Variants in ANO2 observed in about 807,000 individuals in gnomAD.
ANO2 encodes anoctamin-2.
Under a neutral mutation model 124.2 loss-of-function variants are expected in ANO2, and 101 were observed. The observed-to-expected ratio is 0.81, with a 90% CI of 0.69 to 0.96. The LOEUF (loss-of-function observed/expected upper bound fraction) is 0.96. Ranked by LOEUF, ANO2 falls within the 40% of genes least tolerant of loss-of-function variation. ANO2 has a pLI of 0.00. For synonymous variants in ANO2, 486 were observed against 482.5 expected (o/e 1.01, Z -0.09); for missense variants, 1,293 against 1,274.5 (o/e 1.01, Z -0.22).
intron 14 of ANO2, among the ~76,000 whole-genome samples, chr12:5,713,506 A>C (rs940561447): frequency 9.2e-5 from 14 of 152,192 alleles, no homozygotes; most frequent in African/African-American, 3.4e-4. Context: ...GCAGGTGGCT[A>C]AGGGCAATGC....
chr12:5,663,973 A>T (rs987136555), intron 14 of ANO2, among the ~76,000 whole-genome samples: 6 of 152,338 alleles, frequency 3.9e-5, no homozygotes, highest in African/African-American at 1.4e-4. Flanking sequence ...ATGGGCTATG[A>T]AACAGTTACA....
intron 20 of ANO2, among the ~76,000 whole-genome samples, chr12:5,586,366 G>A (rs996751560): frequency 6.6e-6 from 1 of 152,198 alleles, no homozygotes; most frequent in Admixed American, 6.5e-5. Flanking sequence ...GGAGAAGATG[G>A]CAGGAGCCTC....
chr12:5,771,637 G>T (rs1565657026), intron 10 of ANO2, among the ~76,000 whole-genome samples: 1 of 152,034 alleles, frequency 6.6e-6, no homozygotes, highest in Non-Finnish European at 1.5e-5. Context: ...AAAATTAGCT[G>T]GGCATGGTGG....
chr12:5,892,545 A>G (rs1939486226), intron 3 of ANO2, among the ~76,000 whole-genome samples: 1 of 152,216 alleles, frequency 6.6e-6, no homozygotes, highest in Non-Finnish European at 1.5e-5. Flanking sequence ...GAGATAAACA[A>G]TGCATTACTT....
intron 19 of ANO2, 129 bp from the exon 20 acceptor site, chr12:5,599,758 T>G: frequency 1.9e-6 from 2 of 1,035,576 alleles, no homozygotes; most frequent in East Asian, 2.6e-5. Flanking sequence ...CAAGTAGAGA[T>G]AGAGAGACAC....
At chr12:5,756,376 C>T (rs1296402122) in intron 10 of ANO2, among the ~76,000 whole-genome samples, 1 of 152,022 alleles carries the variant, frequency 6.6e-6, no homozygotes, top group Non-Finnish European at 1.5e-5. Flanking sequence ...TTACTGGAGT[C>T]TTTTTCAGCT....
chr12:5,851,968 G>A (rs1192441544), intron 4 of ANO2: 5 of 738,870 alleles, frequency 6.8e-6, no homozygotes, highest in Non-Finnish European at 9.9e-6. Context: ...TCCTTTCCAA[G>A]GATCAGCAGC....
chr12:5,726,394 TC>T (rs1294735506), intron 14 of ANO2, among the ~76,000 whole-genome samples: 1 of 152,198 alleles, frequency 6.6e-6, no homozygotes, highest in Non-Finnish European at 1.5e-5. Context: ...AATACCACAG[TC>T]CTTTCTGCCT....
chr12:5,599,609 C>T lies in ANO2; in HGVS notation c.2108G>A (p.Arg703Gln), dbSNP rs199765638. ...AGCTTCGGTCTCATCTTTCAGCTTT[C>T]GAAATAGTTTCTTTAGCTTCCTGGA... ...IGVPKLKKLF[R>Q]KLKDETEAGE... The change falls in exon 20 of 25, where the codon CGA becomes CAA. Residue 703 changes from arginine to glutamine, a missense_variant. By Grantham distance (43) the Arg-to-Gln change is conservative. Coordinates refer to ENST00000682330, the MANE Select transcript of ANO2 (RefSeq NM_001364791.2). 2.5e-4 allele frequency: 403 copies of T among 1,613,466 alleles called. No individual in the cohort carries two copies. Among genetic ancestry groups the T allele is most frequent in the Non-Finnish European group, 3.2e-4 (378 of 1,179,828 alleles).
chr12:5,945,192 T>A lies in ANO2; in HGVS notation c.22+4A>T. On this transcript the variant is annotated splice_donor_region_variant and intron_variant, in intron 1 of 24. Coordinates refer to ENST00000682330, the MANE Select transcript of ANO2 (RefSeq NM_001364791.2). ...CCAGGACCAGGTCCAGCCGGAAAAC[T>A]CACCGCGCGGCCCGGGAGTCGCCAT... 2.3e-6 allele frequency: 3 copies of A among 1,288,486 alleles called. No homozygotes were observed. The highest frequency in any genetic ancestry group is 3.0e-6 in the Non-Finnish European group (3 of 988,160). The allele number at this position is 1,288,486 out of a possible 1,614,324, so 79.8% of individuals were successfully genotyped here. A position where few individuals can be genotyped will look rare whatever the true frequency, so the allele number is the denominator to read the frequency against.
intron 3 of ANO2, among the ~76,000 whole-genome samples, chr12:5,910,634 T>C (rs114465522): frequency 6.6e-6 from 1 of 152,184 alleles, no homozygotes; most frequent in African/African-American, 2.4e-5. Context: ...ATTCTACCCC[T>C]GAATTCTATC....
At chr12:5,655,838 A>G (rs957544681) in intron 14 of ANO2, among the ~76,000 whole-genome samples, 5 of 152,332 alleles carry the variant, frequency 3.3e-5, no homozygotes, top group African/African-American at 9.6e-5. Context: ...ATGTCGTGCA[A>G]TGCTCTGTCA....
intron 14 of ANO2, among the ~76,000 whole-genome samples, chr12:5,705,306 AAGAGAAAGAAGAAAAAAGG>A (rs1949566463): frequency 1.3e-5 from 2 of 150,438 alleles, no homozygotes; most frequent in South Asian, 4.2e-4. Flanking sequence ...AAAAAATTGA[AAGAGAAAGAAGAAAAAAGG>A]AGAGAAAGAA....
At chr12:5,638,110 A>C (rs1416647862) in intron 15 of ANO2, among the ~76,000 whole-genome samples, 1 of 152,232 alleles carries the variant, frequency 6.6e-6, no homozygotes, top group East Asian at 1.9e-4. Context: ...TGATTGATCC[A>C]AGGTCTGGAG....
At chr12:5,799,641 A>C in intron 9 of ANO2, 70 bp from the exon 10 acceptor site, 1 of 1,398,568 alleles carries the variant, frequency 7.2e-7, no homozygotes. Flanking sequence ...TGTCCATCCT[A>C]ACAAGTCAGA....
chr12:5,818,450 TATATATATA>T (rs1565694008), intron 7 of ANO2, among the ~76,000 whole-genome samples: 9 of 1,208 alleles, frequency 7.5e-3, no homozygotes, highest in Non-Finnish European at 0.043. Flanking sequence ...ACTCATATTA[TATATATATA>T]TATATATATA....
At chr12:5,868,646 T>G (rs1284090539) in intron 3 of ANO2, among the ~76,000 whole-genome samples, 1 of 152,226 alleles carries the variant, frequency 6.6e-6, no homozygotes, top group East Asian at 1.9e-4. Context: ...TAGAAAAAGC[T>G]GGCTCCTGGG....
rs547651327 is a variant in ANO2 at position 5,655,507 on chromosome 12, G to A, written c.1546-7706C>T. ...CAGTGAGTGCTGCTGCTGCTGTATT[G>A]CTGCTAGTCAGGGAACTGTATTAAC... On this transcript the variant is annotated intron_variant, in intron 14 of 24. Coordinates refer to ENST00000682330, the MANE Select transcript of ANO2 (RefSeq NM_001364791.2). 1.1e-3 allele frequency among the ~76,000 whole-genome samples: 170 copies of A among 152,258 alleles called. 1 individual carries two copies. Among genetic ancestry groups the A allele is most frequent in the African/African-American group, 3.9e-3 (164 of 41,550 alleles).
chr12:5,838,945 C>T (rs1023192751), intron 4 of ANO2, among the ~76,000 whole-genome samples: 10 of 152,160 alleles, frequency 6.6e-5, no homozygotes, highest in South Asian at 4.1e-4. Context: ...TCTTCATCTC[C>T]GAAGGGAAAA....
Sources: gnomAD v4.1 joint callset for allele counts (sites outside exome capture counted in the v4.1 genomes callset) on GRCh38, gnomAD v4.1.1 for gene constraint, MANE v1.5 for transcripts, NCBI Gene and HGNC (gene_info 2026-07-23, HGNC 2026-07-21) for gene names.